The following TPM4 variants were observed in gnomAD, a reference collection of about 807,000 sequenced individuals.
The protein encoded by TPM4 is tropomyosin 4.
A neutral mutation model predicts 35.8 loss-of-function variants in TPM4; 17 were observed. That is an observed-to-expected ratio of 0.47 (90% CI 0.32 to 0.71). The LOEUF (loss-of-function observed/expected upper bound fraction) is 0.71, where lower values mean the gene tolerates loss of function less well. TPM4 is among the 30% of genes least tolerant of loss of function. The pLI is 0.03. For missense variants in TPM4, 240 were observed against 320.9 expected, an observed-to-expected ratio of 0.75 and a Z score of 1.93; for synonymous variants, 120 against 122.9, an observed-to-expected ratio of 0.98 and a Z score of 0.15.
rs765511139 is a variant in TPM4, at chr19:16,083,965, C to T, written c.266+1919C>T. ...TTTTTGAGACAGAGTCTCGCTCTGT[C>T]GCCCAGGCTGGAGTGCACTGGCGTG... On this transcript the variant is annotated intron_variant, in intron 2 of 7. Coordinates refer to ENST00000643579, the MANE Select transcript of TPM4 (RefSeq NM_003290.3). Among the ~76,000 whole-genome samples, 4 of 152,094 alleles carry T rather than the reference C, an allele frequency of 2.6e-5. No individual in the cohort carries two copies. In the East Asian group the frequency reaches 7.8e-4, roughly 29 times the overall value.
At chr19:16,076,849 C>T (rs1408934533) in intron 1 of TPM4, 152 bp downstream of exon 1, 2 of 1,250,204 alleles carry the variant, frequency 1.6e-6, no homozygotes, top group South Asian at 2.8e-5. Flanking sequence ...ATCCCTGCGC[C>T]CGCAGCCAGG....
At chr19:16,095,321 C>G (rs1191983979) in intron 7 of TPM4, 2 of 1,039,068 alleles carry the variant, frequency 1.9e-6, no homozygotes, top group Non-Finnish European at 2.3e-6. Flanking sequence ...CTGGACCACG[C>G]TCTCAACGAC....
chr19:16,083,129 C>G (rs559724300), intron 2 of TPM4, among the ~76,000 whole-genome samples: 1 of 151,934 alleles, frequency 6.6e-6, no homozygotes, highest in African/African-American at 2.4e-5. Context: ...CAGTTGCAAA[C>G]CAGCATGGTT....
intron 7 of TPM4, chr19:16,095,361 G>A (rs1476201350): frequency 1.9e-5 from 20 of 1,035,200 alleles, no homozygotes; most frequent in Non-Finnish European, 2.3e-5. Flanking sequence ...CAGCCAGGTC[G>A]CTGCCCTCTG....
chr19:16,082,454 T>C (rs2090495017), intron 2 of TPM4, among the ~76,000 whole-genome samples: 1 of 152,182 alleles, frequency 6.6e-6, no homozygotes, highest in African/African-American at 2.4e-5. Context: ...GAGGCTGCAG[T>C]GAGCCGAGAT....
rs895602350 is a variant in TPM4 at position 16,070,298 on chromosome 19, T to C, written c.114+2560T>C. ...GGAGTTCCAAGGCCGTGGCCATGGT[T>C]TGGGGCAGAGCAGACAGGAGCAGTG... On this transcript the variant is annotated intron_variant, in intron 2 of 2. Transcript: ENST00000589897. This position sits in a 1 kb window ranked among gnomAD's most constrained non-coding sequence, Gnocchi z 7.4. 2.0e-5 allele frequency among the ~76,000 whole-genome samples: 3 copies of C among 152,060 alleles called. No individual in the cohort carries two copies. The highest frequency in any genetic ancestry group is 2.9e-5 in the Non-Finnish European group (2 of 67,992).
intron 2 of TPM4, among the ~76,000 whole-genome samples, chr19:16,068,750 G>T (rs1023567833): frequency 2.0e-5 from 3 of 152,098 alleles, no homozygotes; most frequent in Non-Finnish European, 4.4e-5. Context: ...TGTGAGAGCA[G>T]TTCTGTGTGT....
chr19:16,096,071 A>G lies in TPM4; in HGVS notation c.664+2318A>G, dbSNP rs545181550. On this transcript the variant is annotated intron_variant, in intron 7 of 7. Transcript: ENST00000643579. ...CTCCCAAGTAGCTGAGATTACAGGCATACACCACCACACCTGGCTAATTTT... is the reference window on the plus strand; with the variant it reads ...CTCCCAAGTAGCTGAGATTACAGGCGTACACCACCACACCTGGCTAATTTT... Among the ~76,000 whole-genome samples, 1,207 of 152,064 alleles carry G rather than the reference A, an allele frequency of 7.9e-3. 15 individuals are homozygous for G. Among genetic ancestry groups the G allele is most frequent in the African/African-American group, 0.028 (1,156 of 41,452 alleles).
At chr19:16,076,449 G>A, upstream of TPM4, 1 of 1,339,910 alleles carries the variant, frequency 7.5e-7, no homozygotes, top group South Asian at 1.9e-5. Flanking sequence ...GGAGAGGCGG[G>A]GGCGGCCCCC....
chr19:16,093,837 A>T, intron 7 of TPM4, 84 bp downstream of exon 7: 6 of 1,482,128 alleles, frequency 4.0e-6, no homozygotes, highest in Non-Finnish European at 5.6e-6. Context: ...ATGTTTGTGG[A>T]GGGGCTGGGT....
chr19:16,073,677 G>A (rs1300995645), upstream of TPM4, among the ~76,000 whole-genome samples: 1 of 152,008 alleles, frequency 6.6e-6, no homozygotes, highest in Non-Finnish European at 1.5e-5. Flanking sequence ...AGACAGGATA[G>A]CCCTCCCTGC....
chr19:16,095,059 C>A (rs1248411144), intron 7 of TPM4, among the ~76,000 whole-genome samples: 4 of 152,168 alleles, frequency 2.6e-5, no homozygotes, highest in Non-Finnish European at 4.4e-5. Context: ...CCCTGCAGAA[C>A]CTCAAACCAC....
At chr19:16,076,474 T>A, upstream of TPM4, 1 of 1,333,216 alleles carries the variant, frequency 7.5e-7, no homozygotes, top group Non-Finnish European at 9.5e-7. Context: ...AGGCAAAGGC[T>A]TGGGGGGCCG....
intron 1 of TPM4, chr19:16,081,352 G>A (rs1479776540): frequency 9.5e-6 from 3 of 316,404 alleles, no homozygotes; most frequent in African/African-American, 4.3e-5. Context: ...TGGTATGTTT[G>A]ACTCCTATGT....
At chr19:16,074,918 C>G (rs560767976), upstream of TPM4, 1 of 152,318 alleles carries the variant, frequency 6.6e-6, no homozygotes, top group Admixed American at 6.5e-5. Flanking sequence ...ATTGCAAAAC[C>G]CTGTCTCTAC....
At chr19:16,100,147 A>G (rs926947016) in intron 7 of TPM4, 3 of 152,088 alleles carry the variant, frequency 2.0e-5, no homozygotes, top group African/African-American at 7.2e-5. Context: ...CCCCCACACC[A>G]CGCATTGATA....
At chr19:16,068,471 C>T (rs976023562) in intron 2 of TPM4, among the ~76,000 whole-genome samples, 1 of 151,784 alleles carries the variant, frequency 6.6e-6, no homozygotes, top group African/African-American at 2.4e-5. Flanking sequence ...CCACTGCGCC[C>T]GGCCATTTGT....
In TPM4 at chr19:16,076,655, C is replaced by T. The variant is rs773264878; in HGVS notation, c.90C>T (p.Gly30=). The stretch of plus-strand genomic sequence containing the variant: ...ACGAGGCGGAAGACCGCGCGCAGGG[C>T]CTGCAGCGGGAGCTGGACGGCGAGC... ...QADEAEDRAQ[G]LQRELDGERE... The change falls in exon 1 of 8, where the codon GGC becomes GGT. Residue 30 remains glycine (G), a synonymous_variant. Coordinates refer to ENST00000643579, the MANE Select transcript of TPM4 (RefSeq NM_003290.3). 2.9e-5 allele frequency: 42 copies of T among 1,431,630 alleles called. No homozygotes were observed. In the South Asian group the frequency reaches 5.3e-4, roughly 18 times the overall value. 88.7% of individuals were successfully genotyped at this position (1,431,630 alleles called of 1,614,324 possible). A position where few individuals can be genotyped will look rare whatever the true frequency, so the allele number is the denominator to read the frequency against.
chr19:16,093,932 G>T (rs1005147005), intron 7 of TPM4, among the ~76,000 whole-genome samples, 179 bp downstream of exon 7: 1 of 149,738 alleles, frequency 6.7e-6, no homozygotes, highest in South Asian at 2.1e-4. Context: ...ATAATGCAAA[G>T]CATTCAGGCT....
Sources: allele counts gnomAD v4.1 joint callset (sites outside exome capture counted in the v4.1 genomes callset), GRCh38; gene constraint gnomAD v4.1.1; non-coding constraint Gnocchi (gnomAD v3.1); transcripts MANE v1.5; gene names NCBI Gene and HGNC (gene_info 2026-07-23, HGNC 2026-07-21).